Variants in SHOC1 observed in about 807,000 individuals in gnomAD.
SHOC1 encodes protein shortage in chiasmata 1 ortholog.
SHOC1 carries 136 observed loss-of-function variants against 179.2 expected under a neutral mutation model. That is an observed-to-expected ratio of 0.76 (90% confidence interval 0.66 to 0.87). The LOEUF (loss-of-function observed/expected upper bound fraction) is 0.87, where lower values mean the gene tolerates loss of function less well. Among genes scored for constraint, SHOC1 ranks in the 40% least tolerant of loss-of-function variants. The pLI is 0.00. For missense variants in SHOC1, 1,538 were observed against 1,700.8 expected (o/e 0.90, Z 1.68); for synonymous variants, 489 against 586.6 (o/e 0.83, Z 2.41).
At chr9:111,736,235 CA>C (rs1266169944) in intron 12 of SHOC1, among the ~76,000 whole-genome samples, 7 of 151,840 alleles carry the variant, frequency 4.6e-5, no homozygotes, top group South Asian at 2.1e-4. Context: ...CATATAAAAC[CA>C]AAAAAGAACC....
intron 8 of SHOC1, among the ~76,000 whole-genome samples, chr9:111,751,557 T>G (rs7019576): frequency 0.19 from 28,659 of 152,180 alleles, 2,896 homozygotes; most frequent in Non-Finnish European, 0.22. Flanking sequence ...TCAGTTCTCC[T>G]ATTTATAAAA....
chr9:111,750,006 A>G (rs1200430452), intron 8 of SHOC1, among the ~76,000 whole-genome samples: 1 of 152,096 alleles, frequency 6.6e-6, no homozygotes, highest in Admixed American at 6.5e-5. Context: ...TATCTTTATA[A>G]TAGGATAATT....
Position 111,692,008 on chromosome 9 carries a change from AAAACGGGGGACAACTG to A in SHOC1, c.3953_3968del (p.Ser1318LeufsTer2), listed in dbSNP as rs1316209197. The A allele has an allele frequency of 1.2e-6, 2 of 1,613,066 alleles. No individual in the cohort carries two copies. The highest frequency in any genetic ancestry group is 1.7e-6 in the Non-Finnish European group (2 of 1,179,680). On this transcript the variant is annotated frameshift_variant, in exon 27 of 28. Transcript: ENST00000682961. LOFTEE classifies it high-confidence loss of function. ...GTGTTCTCCTTTTCTGAGAATTTAT[AAAACGGGGGACAACTG>A]ACACTCTCTTCTGAGTGTCAGTTGG...
At position 111,703,986 on chromosome 9, in the gene SHOC1, GT is replaced by G; in HGVS notation, c.2861del (p.Asn954ThrfsTer4). ...DILQLLESNY[N>X]ISLVERGCSE... ...TGCAGCCTCTCTCTACTAGTGAGAT[GT>G]TATAGCTGTAAAATACAATATTCTT... is the stretch of plus-strand genomic sequence containing the variant. On this transcript the variant is annotated frameshift_variant, in exon 22 of 28. Transcript: ENST00000682961. LOFTEE classifies it high-confidence loss of function. 6.5e-7 allele frequency: 1 copy of G among 1,531,784 alleles called. No individual in the cohort carries two copies. The highest frequency in any genetic ancestry group is 8.9e-7 in the Non-Finnish European group (1 of 1,120,128). 94.9% of individuals were successfully genotyped at this position (1,531,784 alleles called of 1,614,324 possible).
chr9:111,738,238 T>C, intron 12 of SHOC1, 42 bp downstream of exon 12: 1 of 1,538,898 alleles, frequency 6.5e-7, no homozygotes, highest in Non-Finnish European at 8.8e-7. Context: ...TTTCACATTC[T>C]GAAAATGTTT....
intron 2 of SHOC1, 140 bp from the exon 3 acceptor site, chr9:111,786,175 T>C: frequency 3.6e-6 from 2 of 554,252 alleles, no homozygotes; most frequent in Non-Finnish European, 5.6e-6. Flanking sequence ...AAAACAGGCA[T>C]ACCTAATCCC....
At chr9:111,712,694 G>A (rs1014203208) in intron 18 of SHOC1, among the ~76,000 whole-genome samples, 2 of 152,080 alleles carry the variant, frequency 1.3e-5, no homozygotes, top group African/African-American at 4.8e-5. Flanking sequence ...ATACTAAAAC[G>A]AGAGTCCTAG....
In SHOC1 at chr9:111,733,220, T is replaced by C. The variant is rs537953348; in HGVS notation, c.1417+5060A>G. 3.2e-4 allele frequency among the ~76,000 whole-genome samples: 49 copies of C among 152,382 alleles called. No individual in the cohort carries two copies. In the South Asian group the frequency reaches 5.0e-3, roughly 15 times the overall value. On this transcript the variant is annotated intron_variant, in intron 12 of 27. Transcript: ENST00000682961. ...TGTAAATTAGTAAAATGTATGGCTA[T>C]GGCTTAAATCACAATCTTTGCTTGT... is the stretch of plus-strand genomic sequence containing the variant.
rs1564125244 is a variant in SHOC1 at position 111,722,424 on chromosome 9, C to CACTT, written c.2112_2115dup (p.Asp706LysfsTer2). The CACTT allele has an allele frequency of 4.4e-6, 7 of 1,598,608 alleles. No homozygotes were observed. The highest frequency in any genetic ancestry group is 5.9e-6 in the Non-Finnish European group (7 of 1,176,652). Reference sequence around the variant, plus strand: ...TTGTACTCACCTTGGCGAACAGCATCACTTACTACTTTTTCTTGTTCCTTT... The same window carrying CACTT: ...TTGTACTCACCTTGGCGAACAGCATCACTTACTTACTACTTTTTCTTGTTCCTTT... On this transcript the variant is annotated frameshift_variant, in exon 15 of 28. Transcript: ENST00000682961. LOFTEE classifies it high-confidence loss of function.
At chr9:111,721,406 C>T (rs1833045195) in intron 15 of SHOC1, among the ~76,000 whole-genome samples, 1 of 152,176 alleles carries the variant, frequency 6.6e-6, no homozygotes, top group Non-Finnish European at 1.5e-5. Context: ...GTGGTGTGAT[C>T]TCAGCTCACT....
rs1454511572 is a variant in SHOC1 at position 111,693,299 on chromosome 9, C to A, written c.3465+500G>T. 2.1e-5 allele frequency among the ~76,000 whole-genome samples: 3 copies of A among 140,208 alleles called. No individual in the cohort carries two copies. The East Asian group carries it at 6.6e-4, about 31-fold the overall frequency. 92.0% of individuals were successfully genotyped at this position (140,208 alleles called of 152,430 possible). ...CCAGCCTGGGTGACAGAGGGAGACT[C>A]CATCTCAAAAAAAAAGAAAAAAATA... is the stretch of plus-strand genomic sequence containing the variant. On this transcript the variant is annotated intron_variant, in intron 26 of 27. Transcript: ENST00000682961.
At chr9:111,760,164 G>A (rs1835073852) in intron 5 of SHOC1, among the ~76,000 whole-genome samples, 1 of 152,068 alleles carries the variant, frequency 6.6e-6, no homozygotes, top group Non-Finnish European at 1.5e-5. Context: ...GCCTCATTCT[G>A]GATATTTCTG....
At chr9:111,711,158 G>C (rs565648803) in intron 18 of SHOC1, among the ~76,000 whole-genome samples, 1 of 152,258 alleles carries the variant, frequency 6.6e-6, no homozygotes, top group South Asian at 2.1e-4. Flanking sequence ...GAGAAAAGAG[G>C]AAAGGATAAA....
intron 25 of SHOC1, 85 bp downstream of exon 25, chr9:111,694,146 G>T: frequency 1.5e-6 from 2 of 1,365,794 alleles, no homozygotes; most frequent in Non-Finnish European, 2.0e-6. Flanking sequence ...ACATTTGGGG[G>T]AAAAATGTTA....
At chr9:111,702,578 C>G (rs1832034046) in intron 22 of SHOC1, among the ~76,000 whole-genome samples, 1 of 152,168 alleles carries the variant, frequency 6.6e-6, no homozygotes, top group Non-Finnish European at 1.5e-5. Context: ...GATGCAAGTC[C>G]TTTGTGGACT....
At chr9:111,785,182 A>T (rs1432005461) in intron 3 of SHOC1, among the ~76,000 whole-genome samples, 1 of 152,084 alleles carries the variant, frequency 6.6e-6, no homozygotes, top group Non-Finnish European at 1.5e-5. Flanking sequence ...TTGCTTTCCC[A>T]TGATTCAGGT....
In SHOC1 at chr9:111,703,877, T is replaced by G; in HGVS notation, c.2967+4A>C. ...TAGTTTATATATTTTCTACCTAGTT[T>G]TACCTGCAAAATTATGGCAGTGTGT... On this transcript the variant is annotated splice_donor_region_variant and intron_variant, in intron 22 of 27. Coordinates refer to ENST00000682961, the MANE Select transcript of SHOC1 (RefSeq NM_001378211.1). 6.6e-7 allele frequency: 1 copy of G among 1,518,860 alleles called. No individual in the cohort carries two copies. The allele number at this position is 1,518,860 out of a possible 1,614,324, so 94.1% of individuals were successfully genotyped here. A position where few individuals can be genotyped will look rare whatever the true frequency, so the allele number is the denominator to read the frequency against.
At chr9:111,743,086 A>G (rs932884000) in intron 10 of SHOC1, among the ~76,000 whole-genome samples, 10 of 152,220 alleles carry the variant, frequency 6.6e-5, no homozygotes, top group African/African-American at 2.4e-4. Flanking sequence ...AGAATCTTAT[A>G]TGTGGTAGGC....
intron 13 of SHOC1, among the ~76,000 whole-genome samples, chr9:111,727,403 A>G (rs975672208): frequency 6.6e-6 from 1 of 152,212 alleles, no homozygotes; most frequent in African/African-American, 2.4e-5. Context: ...TATAAATTCA[A>G]ATGCATTTTT....
Sources: gnomAD v4.1 joint callset for allele counts (sites outside exome capture counted in the v4.1 genomes callset) on GRCh38, gnomAD v4.1.1 for gene constraint, MANE v1.5 for transcripts, NCBI Gene and HGNC (gene_info 2026-07-23, HGNC 2026-07-21) for gene names.